The following LAMA2 variants were observed in gnomAD, a reference collection of about 807,000 sequenced individuals.
LAMA2 encodes the protein laminin subunit alpha-2.
LAMA2 carries 269 observed loss-of-function variants against 364.8 expected under a neutral mutation model. The observed-to-expected ratio is 0.74, with a 90% confidence interval of 0.67 to 0.82. The LOEUF (loss-of-function observed/expected upper bound fraction) is 0.82. Among genes scored for constraint, LAMA2 ranks in the 40% least tolerant of loss-of-function variants. LAMA2 has a pLI of 0.00. For synonymous variants in LAMA2, 1,379 were observed against 1,370.6 expected (o/e 1.01, Z -0.14); for missense variants, 3,807 against 3,873.2 (o/e 0.98, Z 0.45).
chr6:129,055,174 T>TATTTATTATG (rs1289530832), intron 2 of LAMA2, among the ~76,000 whole-genome samples: 1 of 99,550 alleles, frequency 1.0e-5, no homozygotes, highest in Non-Finnish European at 1.9e-5. Flanking sequence ...ACATTATTAT[T>TATTTATTATG]ATTTATTATT....
intron 35 of LAMA2, among the ~76,000 whole-genome samples, chr6:129,389,962 T>C (rs574287161): frequency 3.3e-5 from 5 of 152,174 alleles, no homozygotes; most frequent in Non-Finnish European, 7.4e-5. Context: ...CCAAATACCA[T>C]CACATTGGGA....
intron 63 of LAMA2, among the ~76,000 whole-genome samples, chr6:129,512,737 T>C (rs1286996794): frequency 6.6e-6 from 1 of 152,208 alleles, no homozygotes; most frequent in Admixed American, 6.5e-5. Context: ...TGACTAATAA[T>C]GAACCAAATA....
intron 17 of LAMA2, among the ~76,000 whole-genome samples, chr6:129,277,136 C>T (rs138860962): frequency 4.9e-4 from 75 of 152,116 alleles, no homozygotes; most frequent in East Asian, 1.7e-3. Context: ...TTTCCTGTGG[C>T]GTGGTTTGGA....
At position 129,270,472 on chromosome 6, in the gene LAMA2, A is replaced by G. The variant is rs151184478; in HGVS notation, c.2323-152A>G. On this transcript the variant is annotated intron_variant, in intron 16 of 64. Coordinates refer to ENST00000421865, the MANE Select transcript of LAMA2 (RefSeq NM_000426.4). ...AAGCTAGATATTAAATTAACTTTCA[A>G]TGCTATTTCTCTGCTGTAAAATTGA... The G allele has an allele frequency of 2.9e-4, 208 of 705,632 alleles. No individual in the cohort carries two copies. In the African/African-American group the frequency reaches 3.4e-3, roughly 11 times the overall value. 43.7% of individuals were successfully genotyped at this position (705,632 alleles called of 1,614,324 possible). A position where few individuals can be genotyped will look rare whatever the true frequency, so the allele number is the denominator to read the frequency against.
intron 18 of LAMA2, among the ~76,000 whole-genome samples, chr6:129,280,712 A>T (rs190891999): frequency 5.7e-4 from 87 of 152,254 alleles, no homozygotes; most frequent in African/African-American, 1.9e-3. Flanking sequence ...ATTTTATGTA[A>T]TTTGTGTGAT....
At chr6:129,120,661 T>C (rs951384247) in intron 4 of LAMA2, among the ~76,000 whole-genome samples, 8 of 152,200 alleles carry the variant, frequency 5.3e-5, no homozygotes, top group African/African-American at 1.2e-4. Flanking sequence ...CTTCTGTCTT[T>C]AGTGCTATTT....
chr6:129,296,961 G>A (rs1232676741), intron 20 of LAMA2, among the ~76,000 whole-genome samples: 1 of 152,094 alleles, frequency 6.6e-6, no homozygotes, highest in Non-Finnish European at 1.5e-5. Context: ...CGTAAAAGAT[G>A]ATTTGTTATA....
At chr6:129,196,286 T>C (rs1052886622) in intron 12 of LAMA2, among the ~76,000 whole-genome samples, 26 of 152,190 alleles carry the variant, frequency 1.7e-4, no homozygotes, top group Non-Finnish European at 3.2e-4. Flanking sequence ...TGCTTGACTT[T>C]CCATTCTACT....
chr6:129,149,645 C>G (rs1778677219), intron 7 of LAMA2, among the ~76,000 whole-genome samples: 1 of 152,096 alleles, frequency 6.6e-6, no homozygotes, highest in Non-Finnish European at 1.5e-5. Context: ...AATCATAACA[C>G]ACCTTAATCA....
chr6:129,294,247 G>A (rs551613571), intron 20 of LAMA2, among the ~76,000 whole-genome samples: 3 of 152,314 alleles, frequency 2.0e-5, no homozygotes, highest in African/African-American at 7.2e-5. Flanking sequence ...TGGTCAGGGA[G>A]GTTCTAGTAT....
At chr6:129,411,288 G>A (rs1486792915) in intron 40 of LAMA2, among the ~76,000 whole-genome samples, 1 of 152,126 alleles carries the variant, frequency 6.6e-6, no homozygotes, top group African/African-American at 2.4e-5. Flanking sequence ...TCTAAAAAAT[G>A]TTGACCAGGC....
At chr6:129,515,335 G>GTTGA (rs1198572466) in intron 64 of LAMA2, among the ~76,000 whole-genome samples, 1 of 152,316 alleles carries the variant, frequency 6.6e-6, no homozygotes, top group South Asian at 2.1e-4. Flanking sequence ...ACAGAGCAAT[G>GTTGA]TTGATAGAAA....
chr6:129,026,517 G>C (rs563071965), intron 1 of LAMA2, among the ~76,000 whole-genome samples: 42 of 152,254 alleles, frequency 2.8e-4, no homozygotes, highest in Middle Eastern at 3.4e-3. Context: ...ACATGTATAT[G>C]CTTTGTTAGA....
chr6:129,436,437 G>A (rs1781835870), intron 41 of LAMA2, among the ~76,000 whole-genome samples: 1 of 152,082 alleles, frequency 6.6e-6, no homozygotes, highest in African/African-American at 2.4e-5. Context: ...CTGTACCATT[G>A]TATGAACATG....
intron 12 of LAMA2, among the ~76,000 whole-genome samples, chr6:129,226,109 G>C (rs1029242716): frequency 2.0e-5 from 3 of 152,058 alleles, no homozygotes; most frequent in African/African-American, 7.2e-5. Context: ...TGTCTCTTTT[G>C]ATCTTTGTTG....
chr6:129,422,055 G>A lies in LAMA2; in HGVS notation c.5866-5697G>A, dbSNP rs1245555028. Among the ~76,000 whole-genome samples, 4 of 151,954 alleles carry A rather than the reference G, an allele frequency of 2.6e-5. No individual in the cohort carries two copies. In the East Asian group the frequency reaches 5.8e-4, roughly 22 times the overall value. ...ACCTTCCAGAAATTGACTCTGACCTGTCTAATAGCCTTACTTCTCCACATT... is the reference window on the plus strand; with the variant it reads ...ACCTTCCAGAAATTGACTCTGACCTATCTAATAGCCTTACTTCTCCACATT... On this transcript the variant is annotated intron_variant, in intron 40 of 64. Transcript: ENST00000421865.
chr6:129,121,465 C>T (rs1344879704), intron 4 of LAMA2, among the ~76,000 whole-genome samples: 1 of 152,100 alleles, frequency 6.6e-6, no homozygotes, highest in African/African-American at 2.4e-5. Flanking sequence ...ACTTTGTATG[C>T]TAGCATATCT....
intron 31 of LAMA2, among the ~76,000 whole-genome samples, chr6:129,352,350 G>C (rs551803429): frequency 2.0e-5 from 3 of 152,226 alleles, no homozygotes; most frequent in African/African-American, 7.2e-5. Context: ...CTGCATTTAG[G>C]GTTCATCCAG....
At chr6:129,257,696 T>A (rs1026373962) in intron 14 of LAMA2, among the ~76,000 whole-genome samples, 1 of 152,088 alleles carries the variant, frequency 6.6e-6, no homozygotes, top group African/African-American at 2.4e-5. Flanking sequence ...ATTAAAAGGA[T>A]CAGAATTATA....
Sources: gnomAD v4.1 joint callset for allele counts (sites outside exome capture counted in the v4.1 genomes callset) on GRCh38, gnomAD v4.1.1 for gene constraint, MANE v1.5 for transcripts, NCBI Gene and HGNC (gene_info 2026-07-23, HGNC 2026-07-21) for gene names.